Variants in STX8 observed in about 807,000 individuals in gnomAD.
STX8 encodes the protein syntaxin-8.
STX8 carries 23 observed loss-of-function variants against 37.5 expected under a neutral mutation model. The ratio of observed to expected loss-of-function variants is 0.61; its 90% confidence interval spans 0.44 to 0.87. STX8 has a LOEUF of 0.87. Ranked by LOEUF, STX8 falls within the 40% of genes least tolerant of loss-of-function variation. The pLI, the probability that STX8 is intolerant of heterozygous loss-of-function variation, is 0.00. For synonymous variants in STX8, 115 were observed against 99.1 expected (o/e 1.16, Z -0.95); for missense variants, 313 against 284.7 (o/e 1.10, Z -0.71).
At chr17:9,286,298 A>G (rs1908068413) in intron 7 of STX8, among the ~76,000 whole-genome samples, 1 of 152,214 alleles carries the variant, frequency 6.6e-6, no homozygotes, top group Non-Finnish European at 1.5e-5. Context: ...TTCGGCCCAC[A>G]CACATACGCC....
chr17:9,377,974 G>C (rs903891188), intron 7 of STX8: 3 of 152,652 alleles, frequency 2.0e-5, no homozygotes, highest in Non-Finnish European at 4.4e-5. Context: ...ACCTGCAGCA[G>C]AACTGCTTGG....
chr17:9,536,273 C>T (rs960401783), intron 4 of STX8, among the ~76,000 whole-genome samples: 2 of 152,048 alleles, frequency 1.3e-5, no homozygotes, highest in Non-Finnish European at 2.9e-5. Context: ...TCTGAGACCA[C>T]GAGAGGAGTC....
intron 6 of STX8, among the ~76,000 whole-genome samples, chr17:9,439,330 G>C (rs1597672915): frequency 6.6e-6 from 1 of 152,144 alleles, no homozygotes; most frequent in Non-Finnish European, 1.5e-5. Flanking sequence ...CTCATGATTT[G>C]AACATAGCAT....
At chr17:9,368,176 A>G (rs919923961) in intron 7 of STX8, among the ~76,000 whole-genome samples, 6 of 151,990 alleles carry the variant, frequency 3.9e-5, no homozygotes, top group African/African-American at 1.4e-4. Flanking sequence ...AAAGTAATAC[A>G]GGCTTACTGT....
intron 6 of STX8, among the ~76,000 whole-genome samples, chr17:9,403,966 C>G (rs1010922100): frequency 1.3e-5 from 2 of 151,278 alleles, no homozygotes; most frequent in African/African-American, 4.9e-5. Flanking sequence ...TCTTTTGACT[C>G]CCCCAAAACT....
chr17:9,409,499 A>G (rs1912911055), intron 6 of STX8, among the ~76,000 whole-genome samples: 1 of 152,196 alleles, frequency 6.6e-6, no homozygotes, highest in Non-Finnish European at 1.5e-5. Context: ...AAAAAATGCT[A>G]AACATTAATT....
intron 6 of STX8, among the ~76,000 whole-genome samples, chr17:9,489,501 G>A (rs1345297218): frequency 6.6e-6 from 1 of 152,078 alleles, no homozygotes; most frequent in Non-Finnish European, 1.5e-5. Flanking sequence ...AATTATGCAT[G>A]TAAAGCACCA....
intron 7 of STX8, among the ~76,000 whole-genome samples, chr17:9,327,576 G>T (rs1909820753): frequency 6.6e-6 from 1 of 152,118 alleles, no homozygotes; most frequent in Non-Finnish European, 1.5e-5. Context: ...GATTCTTCCT[G>T]GTCTCTCTGT....
At chr17:9,282,033 G>T (rs1417602180) in intron 7 of STX8, among the ~76,000 whole-genome samples, 1 of 152,210 alleles carries the variant, frequency 6.6e-6, no homozygotes, top group African/African-American at 2.4e-5. Flanking sequence ...GGCCTCATCA[G>T]ATGCCACTTC....
At chr17:9,362,602 A>G (rs1416497887) in intron 7 of STX8, among the ~76,000 whole-genome samples, 2 of 152,016 alleles carry the variant, frequency 1.3e-5, no homozygotes, top group African/African-American at 4.8e-5. Context: ...GCGTATCACG[A>G]GGACAGGAGT....
intron 6 of STX8, among the ~76,000 whole-genome samples, chr17:9,387,414 GCCTC>G (rs1912050895): frequency 6.6e-6 from 1 of 152,164 alleles, no homozygotes; most frequent in Non-Finnish European, 1.5e-5. Flanking sequence ...TCCTGCCTCA[GCCTC>G]CCGAGTAATG....
At chr17:9,460,083 C>A (rs185744239) in intron 6 of STX8, among the ~76,000 whole-genome samples, 1 of 152,132 alleles carries the variant, frequency 6.6e-6, no homozygotes, top group South Asian at 2.1e-4. Flanking sequence ...AAGGGCACAA[C>A]AAGAAACTAT....
At chr17:9,366,362 G>T (rs1239636278) in intron 7 of STX8, among the ~76,000 whole-genome samples, 1 of 152,198 alleles carries the variant, frequency 6.6e-6, no homozygotes, top group Non-Finnish European at 1.5e-5. Flanking sequence ...CTCCTGGGTA[G>T]CTGGGACTAC....
chr17:9,506,709 C>T (rs1200280591), intron 4 of STX8, among the ~76,000 whole-genome samples: 3 of 151,514 alleles, frequency 2.0e-5, no homozygotes, highest in African/African-American at 7.3e-5. Context: ...ACAGGAGGAT[C>T]CCCCAGTCCT....
intron 7 of STX8, among the ~76,000 whole-genome samples, chr17:9,279,362 T>C (rs1218209355): frequency 6.6e-6 from 1 of 152,114 alleles, no homozygotes; most frequent in Non-Finnish European, 1.5e-5. Context: ...GTTGGGATTA[T>C]AGGCGTGAGC....
intron 6 of STX8, among the ~76,000 whole-genome samples, chr17:9,478,493 G>A (rs1352731694): frequency 1.3e-5 from 2 of 152,094 alleles, no homozygotes; most frequent in Admixed American, 6.6e-5. Flanking sequence ...AAGGAGAAAC[G>A]GTATACATTA....
rs749067497 is a variant in STX8 at position 9,378,552 on chromosome 17, C to T, written c.643G>A (p.Gly215Arg). Reference protein sequence around the residue: ...NMVDRKSASCGMIMVILLLLV... With the variant: ...NMVDRKSASCRMIMVILLLLV... ...GAGCCATAACGTAGCTATCTCTTAC[C>T]ACAAGAGGCTGACTTTCTGTCCACC... The change falls in exon 7 of 8, where the codon GGG becomes AGG. Residue 215 changes from glycine (G) to arginine (R), a missense_variant and splice_region_variant. Transcript: ENST00000306357. 2 of 1,613,062 alleles carry T rather than the reference C, an allele frequency of 1.2e-6. No homozygotes were observed. The highest frequency in any genetic ancestry group is 1.7e-6 in the Non-Finnish European group (2 of 1,179,186).
intron 6 of STX8, among the ~76,000 whole-genome samples, chr17:9,486,047 C>A (rs374116963): frequency 9.2e-5 from 14 of 152,286 alleles, no homozygotes; most frequent in African/African-American, 3.1e-4. Context: ...TACTTTAAGG[C>A]ATGCTCATAA....
chr17:9,345,380 C>T (rs1477070317), intron 7 of STX8, among the ~76,000 whole-genome samples: 2 of 152,020 alleles, frequency 1.3e-5, no homozygotes, highest in Admixed American at 6.6e-5. Flanking sequence ...AAACTCCTGA[C>T]CCCAGGTGAT....
Sources: gnomAD v4.1 joint callset for allele counts (sites outside exome capture counted in the v4.1 genomes callset) on GRCh38, gnomAD v4.1.1 for gene constraint, MANE v1.5 for transcripts, NCBI Gene and HGNC (gene_info 2026-07-23, HGNC 2026-07-21) for gene names.